Variants in INO80B observed in about 807,000 individuals in gnomAD.
INO80B encodes INO80 complex subunit B, also known as IES2 homolog.
In INO80B, 18 loss-of-function variants were observed where a neutral mutation model predicts 31.4. The observed-to-expected ratio is 0.57, with a 90% CI of 0.40 to 0.85. INO80B has a LOEUF of 0.85. Among genes scored for constraint, INO80B ranks in the 40% least tolerant of loss-of-function variants. INO80B has a pLI of 0.00. For missense variants in INO80B, 469 were observed against 475.4 expected (o/e 0.99, Z 0.13); for synonymous variants, 238 against 199.0 (o/e 1.20, Z -1.65).
Position 74,457,839 on chromosome 2 carries a change from C to T in INO80B, c.1046C>T (p.Pro349Leu). The T allele has an allele frequency of 4.5e-6, 7 of 1,570,022 alleles. No homozygotes were observed. The highest frequency in any genetic ancestry group is 1.1e-5 in the South Asian group (1 of 87,634). Reference protein sequence around the residue: ...LQMRLGGPEGPGSPLLAT With the variant: ...LQMRLGGPEGLGSPLLAT Reference sequence around the variant, plus strand: ...ATGCGGCTGGGGGGGCCCGAGGGTCCTGGATCCCCCCTTTTGGCTACGTAA... The same window carrying T: ...ATGCGGCTGGGGGGGCCCGAGGGTCTTGGATCCCCCCTTTTGGCTACGTAA... Residue 349 changes from proline to leucine, a missense_variant, in exon 5 of 5, where the codon CCT becomes CTT. Pro to Leu is a moderately conservative substitution (Grantham distance 98). Around this residue, in one of 3 missense-constraint regions of INO80B, gnomAD observed 201 missense variants for 151.7 expected, o/e 1.32. Transcript: ENST00000233331.
At position 74,456,091 on chromosome 2, in the gene INO80B, C is replaced by T; in HGVS notation, c.371-12C>T. 1 of 1,578,968 alleles carries T rather than the reference C, an allele frequency of 6.3e-7. No individual in the cohort carries two copies. The highest frequency in any genetic ancestry group is 8.6e-7 in the Non-Finnish European group (1 of 1,162,654). On this transcript the variant is annotated splice_polypyrimidine_tract_variant and intron_variant, in intron 3 of 4. Coordinates refer to ENST00000233331, the MANE Select transcript of INO80B (RefSeq NM_031288.4). ...AACAATTCTGTTTTTCTTTCTCCAA[C>T]TTCCTTCCCAGATGAAGACAGTAAT...
intron 4 of INO80B, among the ~76,000 whole-genome samples, chr2:74,456,673 T>C (rs1044250217): frequency 6.6e-6 from 1 of 152,074 alleles, no homozygotes; most frequent in Non-Finnish European, 1.5e-5. Flanking sequence ...GAAGAAAAAG[T>C]GGACAAGCCA....
Position 74,456,051 on chromosome 2 carries a change from AG to A in INO80B, c.371-49del, listed in dbSNP as rs1439207756. 1.9e-6 allele frequency: 3 copies of A among 1,566,770 alleles called. No individual in the cohort carries two copies. In the African/African-American group the frequency reaches 4.1e-5, roughly 21 times the overall value. ...GTCCCAGTATTAACTCAGCCAAATT[AG>A]GGTGCCCCATCTGAACAATTCTGTT... On this transcript the variant is annotated intron_variant, in intron 3 of 4. Coordinates refer to ENST00000233331, the MANE Select transcript of INO80B (RefSeq NM_031288.4).
At position 74,457,800 on chromosome 2, in the gene INO80B, G is replaced by C; in HGVS notation, c.1007G>C (p.Arg336Pro). 6.3e-7 allele frequency: 1 copy of C among 1,591,494 alleles called. No individual in the cohort carries two copies. The highest frequency in any genetic ancestry group is 8.5e-7 in the Non-Finnish European group (1 of 1,176,660). Residue 336 changes from arginine to proline, a missense_variant, in exon 5 of 5, where the codon CGC (arginine) becomes CCC (proline). By Grantham distance (103) the Arg-to-Pro change is moderately radical. This residue lies in a region of INO80B where 201 missense variants were observed against 151.7 expected (regional missense o/e 1.32). Coordinates refer to ENST00000233331, the MANE Select transcript of INO80B (RefSeq NM_031288.4). ...GQALCSLQCY[R>P]INLQMRLGGP... ...GCACTCTGTAGTCTTCAGTGCTACC[G>C]CATCAACCTGCAGATGCGGCTGGGG...
In INO80B at chr2:74,457,632, A is replaced by G; in HGVS notation, c.839A>G (p.Gln280Arg). 6.3e-7 allele frequency: 1 copy of G among 1,595,252 alleles called. No individual in the cohort carries two copies. The highest frequency in any genetic ancestry group is 8.5e-7 in the Non-Finnish European group (1 of 1,176,692). ...APMVRYCSGA[Q>R]GSTLSFPPGV... is the part of the protein sequence containing the mutation. ...ATGGTGCGCTACTGCAGCGGAGCAC[A>G]GGGTTCCACCCTTTCCTTCCCACCT... The change falls in exon 5 of 5, where the codon CAG becomes CGG. Residue 280 changes from glutamine to arginine, a missense_variant. Gln to Arg is a conservative substitution (Grantham distance 43). This residue lies in a region of INO80B where 201 missense variants were observed against 151.7 expected (regional missense o/e 1.32). Coordinates refer to ENST00000233331, the MANE Select transcript of INO80B (RefSeq NM_031288.4).
chr2:74,455,412 C>A lies in INO80B; in HGVS notation c.65C>A (p.Ala22Asp). 1 of 1,614,156 alleles carries A rather than the reference C, an allele frequency of 6.2e-7. No homozygotes were observed. Among genetic ancestry groups the A allele is most frequent in the Non-Finnish European group, 8.5e-7 (1 of 1,180,030 alleles). ...ACAGGCTTTCCTTCCACAGGAGAAG[C>A]CCTGGAGTTGAGCCTGGCGGGTGCC... The part of the protein sequence containing the change: ...GAMEAPEPGE[A>D]LELSLAGAHG... The change falls in exon 2 of 5, where the codon GCC becomes GAC. Residue 22 changes from alanine to aspartate, a missense_variant. Ala to Asp is a moderately radical substitution (Grantham distance 126, BLOSUM62 -2). Coordinates refer to ENST00000233331, the MANE Select transcript of INO80B (RefSeq NM_031288.4).
Position 74,455,951 on chromosome 2 carries a change from G to T in INO80B, c.370+15G>T. 3 of 1,586,824 alleles carry T rather than the reference G, an allele frequency of 1.9e-6. No individual in the cohort carries two copies. Among genetic ancestry groups the T allele is most frequent in the Non-Finnish European group, 2.6e-6 (3 of 1,155,196 alleles). ...TGCCTGGCTGGGTGAGGATCTGGAG[G>T]TGGGGAAACTGGGTTTCTTATTATA... On this transcript the variant is annotated intron_variant, in intron 3 of 4. Transcript: ENST00000233331.
At position 74,457,941 on chromosome 2, in the gene INO80B, G is replaced by C; in HGVS notation, c.*77G>C. 1.5e-6 allele frequency: 2 copies of C among 1,372,454 alleles called. No homozygotes were observed. The highest frequency in any genetic ancestry group is 9.7e-7 in the Non-Finnish European group (1 of 1,028,660). The allele number at this position is 1,372,454 out of a possible 1,614,324, so 85.0% of individuals were successfully genotyped here. A position where few individuals can be genotyped will look rare whatever the true frequency, so the allele number is the denominator to read the frequency against. The stretch of plus-strand genomic sequence containing the variant: ...TCCCCACCCTATTAAATTACATCCG[G>C]TGCTTCGGCTTGTACAGAACTGGGG... On this transcript the variant is annotated 3_prime_UTR_variant, in exon 5 of 5. Coordinates refer to ENST00000233331, the MANE Select transcript of INO80B (RefSeq NM_031288.4).
chr2:74,455,360 C>T, intron 1 of INO80B, 46 bp from the exon 2 acceptor site: 4 of 1,611,180 alleles, frequency 2.5e-6, no homozygotes, highest in Non-Finnish European at 3.4e-6. Context: ...AGGGCTTCCC[C>T]TGCCACCCTC....
rs765010001 is a variant in INO80B, at chr2:74,457,711, G to A, written c.918G>A (p.Pro306=). 8 of 1,599,734 alleles carry A rather than the reference G, an allele frequency of 5.0e-6. No individual in the cohort carries two copies. The South Asian group carries it at 6.6e-5, about 13-fold the overall frequency. ...AGCGGCCATCCCCCTCAGGCCCGCCGCCGCGCTGCTCTGTCCCCGGCTGTC... is the reference window on the plus strand; with the variant it reads ...AGCGGCCATCCCCCTCAGGCCCGCCACCGCGCTGCTCTGTCCCCGGCTGTC... The part of the protein sequence containing the change: ...VSQRPSPSGP[P]PRCSVPGCPH... The change falls in exon 5 of 5, where the codon CCG becomes CCA. Residue 306 remains proline (P), a synonymous_variant. Coordinates refer to ENST00000233331, the MANE Select transcript of INO80B (RefSeq NM_031288.4).
chr2:74,455,472 A>C lies in INO80B; in HGVS notation c.125A>C (p.Lys42Thr). ...GHGVHKKKHK[K>T]HKKKHKKKHH... ...GGAGTGCACAAGAAAAAACACAAGA[A>C]GCACAAGAAGAAACACAAGAAGAAA... Residue 42 changes from lysine to threonine, a missense_variant, in exon 2 of 5, where the codon AAG (lysine) becomes ACG (threonine). Physicochemically the swap from Lys to Thr is moderately conservative, Grantham distance 78. Around this residue, in one of 3 missense-constraint regions of INO80B, gnomAD observed 223 missense variants for 253.4 expected, o/e 0.88. Coordinates refer to ENST00000233331, the MANE Select transcript of INO80B (RefSeq NM_031288.4). The C allele has an allele frequency of 6.2e-7, 1 of 1,614,146 alleles. No homozygotes were observed. The highest frequency in any genetic ancestry group is 8.5e-7 in the Non-Finnish European group (1 of 1,180,020).
At position 74,455,522 on chromosome 2, in the gene INO80B, C is replaced by T. The variant is rs780600038; in HGVS notation, c.175C>T (p.Pro59Ser). 3.7e-6 allele frequency: 6 copies of T among 1,614,154 alleles called. No homozygotes were observed. Among genetic ancestry groups the T allele is most frequent in the Non-Finnish European group, 5.1e-6 (6 of 1,180,038 alleles). ...KKHHQEEDAG[P>S]TQPSPAKPQL... Reference sequence around the variant, plus strand: ...ACACCATCAGGAAGAAGACGCCGGGCCCACGCAGCCGTCCCCTGCCAAGCC... The same window carrying T: ...ACACCATCAGGAAGAAGACGCCGGGTCCACGCAGCCGTCCCCTGCCAAGCC... Residue 59 changes from proline to serine, a missense_variant, in exon 2 of 5, where the codon CCC becomes TCC. Physicochemically the swap from Pro to Ser is moderately conservative, Grantham distance 74. Around this residue, in one of 3 missense-constraint regions of INO80B, gnomAD observed 223 missense variants for 253.4 expected, o/e 0.88. Transcript: ENST00000233331.
chr2:74,455,249 G>T (rs1013941038), intron 1 of INO80B, 75 bp downstream of exon 1: 1 of 1,572,650 alleles, frequency 6.4e-7, no homozygotes, highest in African/African-American at 1.3e-5. Flanking sequence ...GAGAGTCCAG[G>T]GTACTTCGGC....
intron 4 of INO80B, 92 bp downstream of exon 4, chr2:74,456,364 C>T: frequency 7.7e-6 from 10 of 1,307,114 alleles, no homozygotes; most frequent in Non-Finnish European, 1.1e-5. Context: ...TTGGGGATAT[C>T]GATAGTAGAG....
Position 74,457,666 on chromosome 2 carries a change from C to T in INO80B, c.873C>T (p.Pro291=), listed in dbSNP as rs760545142. 2 of 1,599,790 alleles carry T rather than the reference C, an allele frequency of 1.3e-6. No homozygotes were observed. The highest frequency in any genetic ancestry group is 2.2e-5 in the South Asian group (2 of 90,752). ...CCCTTTCCTTCCCACCTGGCGTCCC[C>T]GCCCCCACGGCAGTGTCTCAGCGGC... ...GSTLSFPPGV[P]APTAVSQRPS... The change falls in exon 5 of 5, where the codon CCC becomes CCT. Residue 291 remains proline (P), a synonymous_variant. Transcript: ENST00000233331.
chr2:74,457,545 G>C lies in INO80B; in HGVS notation c.752G>C (p.Arg251Pro). ...RLTKTAATSGRGGRGGARGER... is the reference protein window; with the variant it reads ...RLTKTAATSGPGGRGGARGER... ...ACCAAGACTGCGGCGACCAGTGGGC[G>C]GGGAGGCCGGGGGGGCGCACGGGGC... Residue 251 changes from arginine (R) to proline (P), a missense_variant, in exon 5 of 5, where the codon CGG becomes CCG. Transcript: ENST00000233331. 1 of 1,519,990 alleles carries C rather than the reference G, an allele frequency of 6.6e-7. No homozygotes were observed. The highest frequency in any genetic ancestry group is 8.8e-7 in the Non-Finnish European group (1 of 1,137,880). 94.2% of individuals were successfully genotyped at this position (1,519,990 alleles called of 1,614,324 possible). A position where few individuals can be genotyped will look rare whatever the true frequency, so the allele number is the denominator to read the frequency against.
Position 74,457,666 on chromosome 2 carries a change from CG to C in INO80B, c.874del (p.Ala292ProfsTer?). 6.3e-7 allele frequency: 1 copy of C among 1,599,790 alleles called. No homozygotes were observed. Reference protein sequence around the residue: ...STLSFPPGVPAPTAVSQRPSP... With the variant: ...STLSFPPGVPXPTAVSQRPSP... ...CCCTTTCCTTCCCACCTGGCGTCCC[CG>C]CCCCCACGGCAGTGTCTCAGCGGCC... is the stretch of plus-strand genomic sequence containing the variant. On this transcript the variant is annotated frameshift_variant, in exon 5 of 5. Coordinates refer to ENST00000233331, the MANE Select transcript of INO80B (RefSeq NM_031288.4). LOFTEE classifies it high-confidence loss of function.
In INO80B at chr2:74,457,901, C is replaced by G; in HGVS notation, c.*37C>G. Reference sequence around the variant, plus strand: ...CGGACTCTGCGCCCCGTCCCATGCCCGCTCTTGAGTATCTTCCCCACCCTA... The same window carrying G: ...CGGACTCTGCGCCCCGTCCCATGCCGGCTCTTGAGTATCTTCCCCACCCTA... On this transcript the variant is annotated 3_prime_UTR_variant, in exon 5 of 5. Coordinates refer to ENST00000233331, the MANE Select transcript of INO80B (RefSeq NM_031288.4). 2.0e-6 allele frequency: 3 copies of G among 1,490,860 alleles called. No homozygotes were observed. Among genetic ancestry groups the G allele is most frequent in the Non-Finnish European group, 2.7e-6 (3 of 1,123,618 alleles). The allele number at this position is 1,490,860 out of a possible 1,614,324, so 92.4% of individuals were successfully genotyped here. A position where few individuals can be genotyped will look rare whatever the true frequency, so the allele number is the denominator to read the frequency against.
At chr2:74,456,510 GCGT>G (rs1162925839) in intron 4 of INO80B, among the ~76,000 whole-genome samples, 1 of 152,212 alleles carries the variant, frequency 6.6e-6, no homozygotes, top group African/African-American at 2.4e-5. Flanking sequence ...ATAGAAAGTG[GCGT>G]AAACAAACAG....
Sources: gnomAD v4.1 joint callset for allele counts (sites outside exome capture counted in the v4.1 genomes callset) on GRCh38, gnomAD v4.1.1 for gene constraint, gnomAD v4.1.1 regional missense constraint, MANE v1.5 for transcripts, NCBI Gene and HGNC (gene_info 2026-07-23, HGNC 2026-07-21) for gene names.